The following HSPBP1 variants were observed in gnomAD, a reference collection of about 807,000 sequenced individuals.
HSPBP1 encodes the protein hsp70-binding protein 1.
Under a neutral mutation model 41.7 loss-of-function variants are expected in HSPBP1, and 31 were observed. The ratio of observed to expected loss-of-function variants is 0.74; its 90% CI spans 0.56 to 1.00. HSPBP1 has a LOEUF of 1.00. Among genes scored for constraint, HSPBP1 ranks in the 50% least tolerant of loss-of-function variants. The probability of loss-of-function intolerance (pLI) is 0.00; values close to 1 mark genes in which losing one functional copy is unlikely to be tolerated. For synonymous variants in HSPBP1, 199 were observed against 214.4 expected (o/e 0.93, Z 0.63); for missense variants, 439 against 487.9 (o/e 0.90, Z 0.94).
At chr19:55,279,731 C>T (rs1323062173) in intron 1 of HSPBP1, 29 bp from the exon 2 acceptor site, 36 of 1,534,882 alleles carry the variant, frequency 2.3e-5, no homozygotes, top group Non-Finnish European at 2.9e-5. Context: ...TTCAGGGGAG[C>T]TCGGCGACCC....
rs1210586523 is a variant in HSPBP1 at position 55,270,649 on chromosome 19, A to T, written c.640+3749T>A. Among the ~76,000 whole-genome samples the T allele has an allele frequency of 2.0e-5, 3 of 152,064 alleles. No homozygotes were observed. The highest frequency in any genetic ancestry group is 2.1e-4 in the South Asian group (1 of 4,826). ...GTGCCAGCCGTGCACATCTGAGGAA[A>T]CGAGATTAATCCGTGTGTCTGTGTG... On this transcript the variant is annotated intron_variant, in intron 4 of 7. Transcript: ENST00000433386. The surrounding 1 kb of genome is among the most constrained non-coding windows in gnomAD (Gnocchi z 5.4).
intron 4 of HSPBP1, among the ~76,000 whole-genome samples, chr19:55,267,021 G>T (rs191630791): frequency 6.6e-6 from 1 of 152,186 alleles, no homozygotes; most frequent in South Asian, 2.1e-4. Flanking sequence ...CATTCATGTC[G>T]TAAGTGGTAT....
intron 1 of HSPBP1, 63 bp from the exon 2 acceptor site, chr19:55,279,765 C>G: frequency 1.3e-6 from 2 of 1,514,800 alleles, no homozygotes; most frequent in Non-Finnish European, 8.8e-7. Context: ...ACCACTCTGC[C>G]CCCAGCCCAC....
chr19:55,274,371 T>A, intron 4 of HSPBP1, 27 bp downstream of exon 4: 25 of 106,108 alleles, frequency 2.4e-4, no homozygotes, highest in Non-Finnish European at 3.6e-4. Flanking sequence ...CCAGCACCCC[T>A]GTCCCCAGCC....
Position 55,268,967 on chromosome 19 carries a change from A to G in HSPBP1, c.641-2681T>C, listed in dbSNP as rs1288066051. ...ATTATAGGCATGAGTCACCACGCCC[A>G]GCCAGATGTTATTTAATTAAAGAAA... On this transcript the variant is annotated intron_variant, in intron 4 of 7. Coordinates refer to ENST00000433386, the MANE Select transcript of HSPBP1 (RefSeq NM_012267.5). This position sits in a 1 kb window ranked among gnomAD's most constrained non-coding sequence, Gnocchi z 4.5. Among the ~76,000 whole-genome samples the G allele has an allele frequency of 6.6e-6, 1 of 152,188 alleles. No individual in the cohort carries two copies. Among genetic ancestry groups the G allele is most frequent in the East Asian group, 1.9e-4 (1 of 5,202 alleles).
Position 55,270,684 on chromosome 19 carries a change from C to T in HSPBP1, c.640+3714G>A, listed in dbSNP as rs2087900139. Reference sequence around the variant, plus strand: ...TCCGTGTGTCTGTGTGCACACATACCACACACGACACACTCCACATAAGCA... The same window carrying T: ...TCCGTGTGTCTGTGTGCACACATACTACACACGACACACTCCACATAAGCA... On this transcript the variant is annotated intron_variant, in intron 4 of 7. Transcript: ENST00000433386. This position sits in a 1 kb window ranked among gnomAD's most constrained non-coding sequence, Gnocchi z 5.4. Among the ~76,000 whole-genome samples the T allele has an allele frequency of 6.6e-6, 1 of 151,976 alleles. No homozygotes were observed. The highest frequency in any genetic ancestry group is 2.4e-5 in the African/African-American group (1 of 41,346).
chr19:55,266,067 C>A, intron 5 of HSPBP1, 64 bp downstream of exon 5: 1 of 1,567,256 alleles, frequency 6.4e-7, no homozygotes, highest in East Asian at 2.3e-5. Context: ...CCCCTTCTCC[C>A]ACACCTGCAC....
intron 4 of HSPBP1, among the ~76,000 whole-genome samples, chr19:55,267,544 T>A (rs1225375970): frequency 2.0e-5 from 3 of 151,960 alleles, no homozygotes; most frequent in African/African-American, 7.3e-5. Flanking sequence ...CACTGCAACC[T>A]CTGCTTCCCA....
At chr19:55,274,345 G>GGCCCCCCCCCCCCCCCCCCCCCC in intron 4 of HSPBP1, 53 bp downstream of exon 4, 1 of 552,678 alleles carries the variant, frequency 1.8e-6, no homozygotes, top group Middle Eastern at 4.8e-4. Flanking sequence ...GGCCCACCCG[G>GGCCCCCCCCCCCCCCCCCCCCCC]CACCCCCCCC....
At chr19:55,274,252 C>A in intron 4 of HSPBP1, 146 bp downstream of exon 4, 1 of 798,710 alleles carries the variant, frequency 1.3e-6, no homozygotes, top group Non-Finnish European at 2.0e-6. Flanking sequence ...CTGCCCGCAG[C>A]ACTCAGCCGT....
At position 55,279,420 on chromosome 19, in the gene HSPBP1, A is replaced by G; in HGVS notation, c.189T>C (p.Pro63=). ...TTACCTCCTCACTCATCGGTTCTGG[A>G]GGAGGGTCTGGCTCTTCAGAGCCCG... ...ITAGSEEPDP[P]PEPMSEERRQ... Residue 63 remains proline (P), a synonymous_variant, in exon 2 of 8, where the codon CCT becomes CCC. Transcript: ENST00000433386. 1 of 1,598,676 alleles carries G rather than the reference A, an allele frequency of 6.3e-7. No homozygotes were observed. The highest frequency in any genetic ancestry group is 2.2e-5 in the East Asian group (1 of 44,794).
chr19:55,274,587 C>G lies in HSPBP1; in HGVS notation c.451G>C (p.Gly151Arg), dbSNP rs1331835463. 1 of 1,608,172 alleles carries G rather than the reference C, an allele frequency of 6.2e-7. No individual in the cohort carries two copies. Residue 151 changes from glycine to arginine, a missense_variant, in exon 4 of 8, where the codon GGC (glycine) becomes CGC (arginine). Transcript: ENST00000433386. ...CQLSGMHLLV[G>R]RYLEAGAAGL... ...GCAGCCCCCGCCTCCAGGTACCGGC[C>G]CACCAGCAGGTGCATGCCAGACAGC...
In HSPBP1 at chr19:55,268,320, C is replaced by T. The variant is rs2087838714; in HGVS notation, c.641-2034G>A. ...TGGCGTGCGTCTGTAATCCCAGCTA[C>T]TAGGGAGGCTGAGGCAGGAGAATCA... is the stretch of plus-strand genomic sequence containing the variant. On this transcript the variant is annotated intron_variant, in intron 4 of 7. Transcript: ENST00000433386. The surrounding 1 kb of genome is among the most constrained non-coding windows in gnomAD (Gnocchi z 4.5). 6.6e-6 allele frequency among the ~76,000 whole-genome samples: 1 copy of T among 152,080 alleles called. No individual in the cohort carries two copies. Among genetic ancestry groups the T allele is most frequent in the African/African-American group, 2.4e-5 (1 of 41,408 alleles).
At position 55,270,109 on chromosome 19, in the gene HSPBP1, CA is replaced by C. The variant is rs371619977; in HGVS notation, c.641-3824del. Among the ~76,000 whole-genome samples the C allele has an allele frequency of 2.4e-3, 362 of 151,588 alleles. 2 individuals carry two copies. Among genetic ancestry groups the C allele is most frequent in the African/African-American group, 8.0e-3 (332 of 41,400 alleles). Reference sequence around the variant, plus strand: ...ACACAATGGCATACCCTGCAGCCACCAAAAAAAAGGACAGATGCCACTGAAT... The same window carrying C: ...ACACAATGGCATACCCTGCAGCCACCAAAAAAAGGACAGATGCCACTGAAT... On this transcript the variant is annotated intron_variant, in intron 4 of 7. Transcript: ENST00000433386. This position sits in a 1 kb window ranked among gnomAD's most constrained non-coding sequence, Gnocchi z 5.4.
chr19:55,263,345 A>C (rs1465413416), intron 7 of HSPBP1, among the ~76,000 whole-genome samples: 1 of 152,206 alleles, frequency 6.6e-6, no homozygotes, highest in Non-Finnish European at 1.5e-5. Flanking sequence ...TGTCCTGACC[A>C]AGATTTGGGG....
rs2087844806 is a variant in HSPBP1, at chr19:55,268,554, C to T, written c.641-2268G>A. On this transcript the variant is annotated intron_variant, in intron 4 of 7. Coordinates refer to ENST00000433386, the MANE Select transcript of HSPBP1 (RefSeq NM_012267.5). This position sits in a 1 kb window ranked among gnomAD's most constrained non-coding sequence, Gnocchi z 4.5. ...GTGCTTCATTTGTAAAATGCACACA[C>T]TAGGTTTTGAAGACTTAGCATGACA... Among the ~76,000 whole-genome samples the T allele has an allele frequency of 6.6e-6, 1 of 152,176 alleles. No individual in the cohort carries two copies. Among genetic ancestry groups the T allele is most frequent in the Non-Finnish European group, 1.5e-5 (1 of 68,040 alleles).
rs1016160775 is a variant in HSPBP1 at position 55,272,123 on chromosome 19, T to C, written c.640+2275A>G. Among the ~76,000 whole-genome samples the C allele has an allele frequency of 2.0e-5, 3 of 150,286 alleles. No homozygotes were observed. The highest frequency in any genetic ancestry group is 1.5e-5 in the Non-Finnish European group (1 of 67,788). ...GAACAGATTAAATGTAGAGTTACGA[T>C]ATGACCCAGCAACTCCACTGCTAGG... On this transcript the variant is annotated intron_variant, in intron 4 of 7. Coordinates refer to ENST00000433386, the MANE Select transcript of HSPBP1 (RefSeq NM_012267.5). This position sits in a 1 kb window ranked among gnomAD's most constrained non-coding sequence, Gnocchi z 4.2.
intron 3 of HSPBP1, among the ~76,000 whole-genome samples, chr19:55,275,983 G>A (rs2088060381): frequency 1.3e-5 from 2 of 149,132 alleles, no homozygotes; most frequent in Admixed American, 1.4e-4. Context: ...CAGGCCTGAT[G>A]ACATGCACCT....
intron 2 of HSPBP1, 69 bp from the exon 3 acceptor site, chr19:55,277,915 T>A: frequency 1.5e-6 from 2 of 1,293,558 alleles, no homozygotes; most frequent in East Asian, 2.5e-5. Flanking sequence ...CAGCCATTAA[T>A]AAAGACAGCC....
Sources: allele counts gnomAD v4.1 joint callset (sites outside exome capture counted in the v4.1 genomes callset), GRCh38; gene constraint gnomAD v4.1.1; non-coding constraint Gnocchi (gnomAD v3.1); transcripts MANE v1.5; gene names NCBI Gene and HGNC (gene_info 2026-07-23, HGNC 2026-07-21).